Variants in MECOM observed in about 807,000 individuals in gnomAD.
The protein encoded by MECOM is MDS1 and EVI1 complex locus, also known as histone-lysine N-methyltransferase MECOM.
A neutral mutation model predicts 116.3 loss-of-function variants in MECOM; 13 were observed. The ratio of observed to expected loss-of-function variants is 0.11; its 90% CI spans 0.07 to 0.18. The LOEUF (loss-of-function observed/expected upper bound fraction) is 0.18. Among genes scored for constraint, MECOM ranks in the 10% least tolerant of loss-of-function variants. MECOM has a pLI of 1.00. For synonymous variants in MECOM, 528 were observed against 535.2 expected, an observed-to-expected ratio of 0.99 and a Z score of 0.19; for missense variants, 1,299 against 1,509.0, an observed-to-expected ratio of 0.86 and a Z score of 2.31.
intron 1 of MECOM, among the ~76,000 whole-genome samples, chr3:169,425,156 A>T (rs1054063344): frequency 6.6e-6 from 1 of 150,950 alleles, no homozygotes; most frequent in Non-Finnish European, 1.5e-5. Flanking sequence ...AAAATTTATA[A>T]GCTTACAGAA....
At chr3:169,290,130 T>C (rs1714215661) in intron 2 of MECOM, among the ~76,000 whole-genome samples, 1 of 152,136 alleles carries the variant, frequency 6.6e-6, no homozygotes, top group African/African-American at 2.4e-5. Context: ...TGCTTTAATA[T>C]GTCCAAATAA....
At chr3:169,190,932 GGCCACA>G in intron 2 of MECOM, among the ~76,000 whole-genome samples, 1 of 151,892 alleles carries the variant, frequency 6.6e-6, no homozygotes, top group Non-Finnish European at 1.5e-5. Flanking sequence ...CTTACTAGGT[GGCCACA>G]TCTACTCTTA....
At chr3:169,315,473 G>C (rs965705416) in intron 2 of MECOM, among the ~76,000 whole-genome samples, 1 of 152,208 alleles carries the variant, frequency 6.6e-6, no homozygotes, top group African/African-American at 2.4e-5. Context: ...TAGCAGCAAA[G>C]AGGATGGGAA....
At chr3:169,371,338 T>G (rs1221522957) in intron 2 of MECOM, among the ~76,000 whole-genome samples, 1 of 151,974 alleles carries the variant, frequency 6.6e-6, no homozygotes, top group Non-Finnish European at 1.5e-5. Context: ...GTAGAATGGT[T>G]GTTCCCAAGA....
intron 1 of MECOM, among the ~76,000 whole-genome samples, chr3:169,648,686 G>A (rs1023133274): frequency 6.6e-6 from 1 of 152,252 alleles, no homozygotes; most frequent in Non-Finnish European, 1.5e-5. Context: ...AGTTGGAAGA[G>A]AAGGCAGCGC....
chr3:169,630,046 T>C (rs539646885), intron 1 of MECOM, among the ~76,000 whole-genome samples: 83 of 152,268 alleles, frequency 5.5e-4, no homozygotes, highest in Non-Finnish European at 1.0e-3. Context: ...ACTCCCAGCA[T>C]GATGGGCAGA....
At chr3:169,442,812 A>T (rs908386121) in intron 1 of MECOM, among the ~76,000 whole-genome samples, 2 of 151,496 alleles carry the variant, frequency 1.3e-5, no homozygotes, top group African/African-American at 4.8e-5. Context: ...AGGTTTTCAC[A>T]TTTTTTTTTA....
chr3:169,149,474 G>A, intron 2 of MECOM: 1 of 233,790 alleles, frequency 4.3e-6, no homozygotes, highest in Non-Finnish European at 9.0e-6. Flanking sequence ...TTGCAGGTAC[G>A]GCAGGACGCC....
At position 169,663,551 on chromosome 3, in the gene MECOM, T is replaced by G. The variant is rs1357796632; in HGVS notation, c.-179A>C. ...CTCTCCCTCCCTCCTGTTTCTCTCC[T>G]GTTTCTCTCTCTCTTCCACACACTC... On this transcript the variant is annotated 5_prime_UTR_variant, in exon 1 of 17. Coordinates refer to ENST00000651503, the MANE Select transcript of MECOM (RefSeq NM_004991.4). 28 of 635,308 alleles carry G rather than the reference T, an allele frequency of 4.4e-5. No individual in the cohort carries two copies. In the East Asian group the frequency reaches 5.8e-4, roughly 13 times the overall value. 39.4% of individuals were successfully genotyped at this position (635,308 alleles called of 1,614,324 possible).
intron 1 of MECOM, among the ~76,000 whole-genome samples, chr3:169,619,746 A>G (rs1347038192): frequency 6.6e-6 from 1 of 152,208 alleles, no homozygotes; most frequent in African/African-American, 2.4e-5. Flanking sequence ...CCTTCTGCCC[A>G]AGAATTTTCC....
chr3:169,227,254 A>G (rs567886001), intron 2 of MECOM, among the ~76,000 whole-genome samples: 2 of 152,312 alleles, frequency 1.3e-5, no homozygotes, highest in South Asian at 4.1e-4. Flanking sequence ...ATCTGAGAAA[A>G]AGCAAAATAA....
chr3:169,507,650 CTTTTTTTTTTTTT>C lies in MECOM; in HGVS notation c.38-126139_38-126127del, dbSNP rs1165167849. ...CAATTTTGGTTTAAATCCCCACTTG[CTTTTTTTTTTTTT>C]TTTTTTTTTTTTTTTTGAGATGGAG... On this transcript the variant is annotated intron_variant, in intron 1 of 16. Transcript: ENST00000651503. Among the ~76,000 whole-genome samples the C allele has an allele frequency of 1.7e-3, 100 of 57,146 alleles. 3 individuals carry two copies. Among genetic ancestry groups the C allele is most frequent in the Admixed American group, 4.8e-3 (21 of 4,384 alleles). The allele number at this position is 57,146 out of a possible 152,430, so 37.5% of individuals were successfully genotyped here. A position where few individuals can be genotyped will look rare whatever the true frequency, so the allele number is the denominator to read the frequency against.
Position 169,436,593 on chromosome 3 carries a change from A to G in MECOM, c.38-55069T>C, listed in dbSNP as rs908587670. Among the ~76,000 whole-genome samples, 6 of 152,124 alleles carry G rather than the reference A, an allele frequency of 3.9e-5. No individual in the cohort carries two copies. In the East Asian group the frequency reaches 7.7e-4, roughly 20 times the overall value. ...CGTCAGTTTCTTCAATACGATTTGG[A>G]TTAGCAAAATTAATGGTGAAATTAT... On this transcript the variant is annotated intron_variant, in intron 1 of 16. Transcript: ENST00000651503.
intron 2 of MECOM, among the ~76,000 whole-genome samples, chr3:169,216,316 T>G (rs1229892186): frequency 6.6e-6 from 1 of 152,224 alleles, no homozygotes; most frequent in Non-Finnish European, 1.5e-5. Context: ...GTTTACTCTT[T>G]TAACCAAATT....
chr3:169,484,036 T>C (rs927029412), intron 1 of MECOM: 71 of 1,395,846 alleles, frequency 5.1e-5, no homozygotes, highest in East Asian at 7.0e-5. Flanking sequence ...CATTGTTTTA[T>C]ATAACTAATG....
intron 12 of MECOM, among the ~76,000 whole-genome samples, chr3:169,096,323 T>G (rs1026814425): frequency 3.3e-5 from 5 of 151,528 alleles, no homozygotes. Context: ...CAGGCTGGAG[T>G]GCAGTGGCAC....
At chr3:169,646,328 G>A (rs1310977543) in intron 1 of MECOM, among the ~76,000 whole-genome samples, 1 of 123,512 alleles carries the variant, frequency 8.1e-6, no homozygotes, top group Non-Finnish European at 1.7e-5. Flanking sequence ...GGAGGGGGAG[G>A]GGGAGGGATA....
intron 2 of MECOM, among the ~76,000 whole-genome samples, chr3:169,328,108 T>C (rs2149767243): frequency 6.6e-6 from 1 of 152,332 alleles, no homozygotes; most frequent in South Asian, 2.1e-4. Flanking sequence ...AGGAAGTTTC[T>C]GCACTTTGTT....
intron 2 of MECOM, among the ~76,000 whole-genome samples, chr3:169,224,795 A>G (rs976272415): frequency 6.6e-6 from 1 of 152,212 alleles, no homozygotes; most frequent in Admixed American, 6.5e-5. Flanking sequence ...AAGAAACCTG[A>G]AAAGCCCCAT....
Sources: gnomAD v4.1 joint callset for allele counts (sites outside exome capture counted in the v4.1 genomes callset) on GRCh38, gnomAD v4.1.1 for gene constraint, MANE v1.5 for transcripts, NCBI Gene and HGNC (gene_info 2026-07-23, HGNC 2026-07-21) for gene names.